Variants in CBFA2T2 observed in about 807,000 individuals in gnomAD.
CBFA2T2 encodes CBFA2/RUNX1 partner transcriptional co-repressor 2.
In CBFA2T2, 11 loss-of-function variants were observed where a neutral mutation model predicts 62.2. The ratio of observed to expected loss-of-function variants is 0.18; its 90% CI spans 0.11 to 0.29. The LOEUF (loss-of-function observed/expected upper bound fraction) is 0.29. CBFA2T2 is among the 10% of genes least tolerant of loss of function. The pLI is 1.00. For missense variants in CBFA2T2, 592 were observed against 774.1 expected (o/e 0.76, Z 2.79); for synonymous variants, 295 against 287.5 (o/e 1.03, Z -0.27).
At chr20:33,577,443 C>T (rs776323031) in intron 1 of CBFA2T2, among the ~76,000 whole-genome samples, 1 of 152,060 alleles carries the variant, frequency 6.6e-6, no homozygotes, top group Non-Finnish European at 1.5e-5. Context: ...TCAGAAGCCT[C>T]TCTGATTGTC....
chr20:33,546,324 T>C (rs1479453051), intron 1 of CBFA2T2, among the ~76,000 whole-genome samples: 1 of 152,118 alleles, frequency 6.6e-6, no homozygotes, highest in Non-Finnish European at 1.5e-5. Flanking sequence ...ACATTTTCAG[T>C]TGGTATAAAT....
At chr20:33,497,197 C>T (rs188398657) in intron 1 of CBFA2T2, among the ~76,000 whole-genome samples, 79 of 138,030 alleles carry the variant, frequency 5.7e-4, no homozygotes, top group African/African-American at 1.9e-3. Flanking sequence ...TGCTTGAACC[C>T]GGGAGGCGGA....
intron 1 of CBFA2T2, among the ~76,000 whole-genome samples, chr20:33,592,374 T>A (rs201235719): frequency 2.4e-4 from 34 of 142,972 alleles, no homozygotes; most frequent in Middle Eastern, 3.6e-3. Context: ...AAAAAAAATT[T>A]TATATATATA....
intron 1 of CBFA2T2, among the ~76,000 whole-genome samples, chr20:33,495,068 C>CTA (rs2011185429): frequency 6.6e-6 from 1 of 152,046 alleles, no homozygotes; most frequent in Admixed American, 6.6e-5. Flanking sequence ...TCCATTAGGT[C>CTA]TATTGCTCTG....
At chr20:33,540,031 C>T (rs2012369996) in intron 1 of CBFA2T2, among the ~76,000 whole-genome samples, 1 of 152,042 alleles carries the variant, frequency 6.6e-6, no homozygotes, top group South Asian at 2.1e-4. Context: ...TTACATGCTA[C>T]AGTGGAAGTG....
At chr20:33,595,295 T>C (rs1286900459) in intron 1 of CBFA2T2, among the ~76,000 whole-genome samples, 1 of 152,136 alleles carries the variant, frequency 6.6e-6, no homozygotes, top group Admixed American at 6.6e-5. Flanking sequence ...CACTGCAACC[T>C]CTGCCTCCTG....
At chr20:33,623,385 T>C in intron 5 of CBFA2T2, 89 bp downstream of exon 5, 1 of 1,472,248 alleles carries the variant, frequency 6.8e-7, no homozygotes. Context: ...TTGATTGCTG[T>C]GGTTGTAATG....
intron 1 of CBFA2T2, among the ~76,000 whole-genome samples, chr20:33,516,798 A>G (rs148180029): frequency 2.0e-5 from 3 of 152,354 alleles, no homozygotes; most frequent in Non-Finnish European, 2.9e-5. Context: ...GATACTGTAC[A>G]TAATACTTTG....
chr20:33,619,727 T>C, intron 4 of CBFA2T2, 121 bp downstream of exon 4: 1 of 653,596 alleles, frequency 1.5e-6, no homozygotes, highest in Non-Finnish European at 2.6e-6. Flanking sequence ...TTTGGGCTGG[T>C]AGAGAGGTCT....
intron 1 of CBFA2T2, among the ~76,000 whole-genome samples, chr20:33,555,777 C>G (rs1262709325): frequency 6.6e-6 from 1 of 152,178 alleles, no homozygotes; most frequent in African/African-American, 2.4e-5. Flanking sequence ...TTTTATAGCT[C>G]TTATACCTCA....
In CBFA2T2 at chr20:33,607,777, A is replaced by G. The variant is rs144992496; in HGVS notation, c.178+678A>G. On this transcript the variant is annotated intron_variant, in intron 2 of 10. Coordinates refer to ENST00000342704, the MANE Select transcript of CBFA2T2 (RefSeq NM_001032999.3). ...TCTTTTAACCTTAATGAACTCTTCA[A>G]AGTATCTCCAAATATAGTCCTATTC... Among the ~76,000 whole-genome samples, 334 of 152,344 alleles carry G rather than the reference A, an allele frequency of 2.2e-3. 1 individual carries two copies. Among genetic ancestry groups the G allele is most frequent in the Non-Finnish European group, 3.2e-3 (216 of 68,036 alleles).
intron 1 of CBFA2T2, among the ~76,000 whole-genome samples, chr20:33,523,547 C>T (rs1002992286): frequency 6.6e-6 from 1 of 152,130 alleles, no homozygotes. Flanking sequence ...CCATAAGGAT[C>T]ACAGTCTAGT....
At position 33,490,113 on chromosome 20, in the gene CBFA2T2, C is replaced by A. The variant is rs1262260447; in HGVS notation, c.-155C>A. 2.1e-5 allele frequency: 15 copies of A among 717,762 alleles called. No individual in the cohort carries two copies. The highest frequency in any genetic ancestry group is 2.7e-5 in the Non-Finnish European group (15 of 548,422). The allele number at this position is 717,762 out of a possible 1,614,324, so 44.5% of individuals were successfully genotyped here. On this transcript the variant is annotated 5_prime_UTR_variant, in exon 1 of 11. Coordinates refer to ENST00000342704, the MANE Select transcript of CBFA2T2 (RefSeq NM_001032999.3). ...ACGGCGGCGGCGGCGGCGGCGACGG[C>A]GACAGCAGCGGTGGTGGTGTCTGGT...
intron 1 of CBFA2T2, among the ~76,000 whole-genome samples, chr20:33,540,952 GTAGAA>G: frequency 6.6e-6 from 1 of 152,174 alleles, no homozygotes. Flanking sequence ...AGTTGTGCAA[GTAGAA>G]GGTACTAGCT....
chr20:33,640,925 G>A (rs2016811839), intron 10 of CBFA2T2, among the ~76,000 whole-genome samples: 1 of 152,110 alleles, frequency 6.6e-6, no homozygotes, highest in South Asian at 2.1e-4. Context: ...GTCTCACAAT[G>A]GCCCTAATTT....
At chr20:33,579,554 C>CTTTT (rs76190498) in intron 1 of CBFA2T2, among the ~76,000 whole-genome samples, 5 of 125,352 alleles carry the variant, frequency 4.0e-5, no homozygotes, top group Admixed American at 7.9e-5. Context: ...CATCACGAAT[C>CTTTT]TTTTTTTTTT....
At chr20:33,502,785 A>G (rs1385015717) in intron 1 of CBFA2T2, among the ~76,000 whole-genome samples, 1 of 147,904 alleles carries the variant, frequency 6.8e-6, no homozygotes, top group Non-Finnish European at 1.5e-5. Flanking sequence ...AGTGGAGAAA[A>G]TTATTTAGAA....
At chr20:33,508,856 A>G (rs1401419173) in intron 1 of CBFA2T2, among the ~76,000 whole-genome samples, 1 of 152,104 alleles carries the variant, frequency 6.6e-6, no homozygotes, top group African/African-American at 2.4e-5. Context: ...GCTTAACTTA[A>G]TTGGTTTGAT....
intron 8 of CBFA2T2, among the ~76,000 whole-genome samples, chr20:33,630,745 AT>A (rs1320719210): frequency 6.6e-6 from 1 of 152,202 alleles, no homozygotes; most frequent in Admixed American, 6.5e-5. Flanking sequence ...GAGTTCCCAA[AT>A]GTTCACCACG....
Sources: gnomAD v4.1 joint callset for allele counts (sites outside exome capture counted in the v4.1 genomes callset) on GRCh38, gnomAD v4.1.1 for gene constraint, MANE v1.5 for transcripts, NCBI Gene and HGNC (gene_info 2026-07-23, HGNC 2026-07-21) for gene names.